The following NCLN variants were observed in gnomAD, a reference collection of about 807,000 sequenced individuals.
NCLN encodes the protein nicalin.
In NCLN, 34 loss-of-function variants were observed where a neutral mutation model predicts 69.5. The ratio of observed to expected loss-of-function variants is 0.49; its 90% confidence interval spans 0.37 to 0.65. The LOEUF (loss-of-function observed/expected upper bound fraction) is 0.65. Ranked by LOEUF, NCLN falls within the 30% of genes least tolerant of loss-of-function variation. NCLN has a pLI of 0.00. For synonymous variants in NCLN, 393 were observed against 358.3 expected, an observed-to-expected ratio of 1.10 and a Z score of -1.09; for missense variants, 710 against 804.8, an observed-to-expected ratio of 0.88 and a Z score of 1.42.
intron 3 of NCLN, among the ~76,000 whole-genome samples, chr19:3,194,693 C>T (rs1915912322): frequency 6.6e-6 from 1 of 151,340 alleles, no homozygotes; most frequent in South Asian, 2.1e-4. Flanking sequence ...GAGTATAGTT[C>T]TGCAGATACC....
rs888950074 is a variant in NCLN at position 3,203,776 on chromosome 19, C to T, written c.821C>T (p.Ala274Val). ...CCCAGCTACAACCTCCTGTTCTTTG[C>T]GTCTGGAGGAGGCAAGTTTAACTAC... ...THAAYNLLFF[A>V]SGGGKFNYQG... Residue 274 changes from alanine to valine, a missense_variant, in exon 7 of 15, where the codon GCG (alanine) becomes GTG (valine). Ala to Val is a moderately conservative substitution (Grantham distance 64). Transcript: ENST00000246117. The T allele has an allele frequency of 2.2e-5, 36 of 1,612,832 alleles. No homozygotes were observed. Among genetic ancestry groups the T allele is most frequent in the Middle Eastern group, 1.6e-4 (1 of 6,078 alleles).
chr19:3,194,383 CAAA>C (rs919643401), intron 3 of NCLN, among the ~76,000 whole-genome samples: 1 of 145,650 alleles, frequency 6.9e-6, no homozygotes, highest in Non-Finnish European at 1.5e-5. Flanking sequence ...ATGTCCATCT[CAAA>C]AAAAAAAAGT....
At chr19:3,195,956 G>A (rs537509406) in intron 3 of NCLN, among the ~76,000 whole-genome samples, 4 of 152,308 alleles carry the variant, frequency 2.6e-5, no homozygotes, top group African/African-American at 9.6e-5. Flanking sequence ...GCATGGAGGA[G>A]AAATTCCCCA....
intron 6 of NCLN, among the ~76,000 whole-genome samples, chr19:3,202,132 C>T (rs1055963389): frequency 3.3e-5 from 5 of 152,142 alleles, no homozygotes; most frequent in Non-Finnish European, 4.4e-5. Flanking sequence ...ATTCCACGGG[C>T]CCCCGAGAGA....
At chr19:3,189,386 T>C (rs1472850858) in intron 1 of NCLN, among the ~76,000 whole-genome samples, 1 of 152,240 alleles carries the variant, frequency 6.6e-6, no homozygotes, top group Non-Finnish European at 1.5e-5. Flanking sequence ...TGCCTGTTGT[T>C]GTTAATAAAG....
At chr19:3,192,307 G>A (rs969578399) in intron 1 of NCLN, among the ~76,000 whole-genome samples, 163 bp from the exon 2 acceptor site, 1 of 152,220 alleles carries the variant, frequency 6.6e-6, no homozygotes, top group African/African-American at 2.4e-5. Flanking sequence ...GTTATGTCGG[G>A]GGCAGGCTGG....
chr19:3,196,771 C>T (rs1915970373), intron 4 of NCLN, among the ~76,000 whole-genome samples: 3 of 152,220 alleles, frequency 2.0e-5, no homozygotes, highest in Admixed American at 2.0e-4. Flanking sequence ...CAGGGCAGAT[C>T]CAGAGGGTGA....
rs1388112752 is a variant in NCLN at position 3,208,281 on chromosome 19, C to T, written c.*593C>T. On this transcript the variant is annotated 3_prime_UTR_variant, in exon 15 of 15. Coordinates refer to ENST00000246117, the MANE Select transcript of NCLN (RefSeq NM_020170.4). ...CCCATGTGGTCTCAGTGACCCGTCCCCCTGACAGTGGGCTCGGGGAGCTGC... is the reference window on the plus strand; with the variant it reads ...CCCATGTGGTCTCAGTGACCCGTCCTCCTGACAGTGGGCTCGGGGAGCTGC... 6.6e-6 allele frequency: 1 copy of T among 152,356 alleles called. No homozygotes were observed. Among genetic ancestry groups the T allele is most frequent in the Admixed American group, 6.5e-5 (1 of 15,286 alleles). 9.4% of individuals were successfully genotyped at this position (152,356 alleles called of 1,614,324 possible).
At chr19:3,189,636 T>C (rs490218) in intron 1 of NCLN, among the ~76,000 whole-genome samples, 67,990 of 152,190 alleles carry the variant, frequency 0.45, 15,253 homozygotes, top group East Asian at 0.54. Flanking sequence ...CCACAAGTGG[T>C]CTCAGCCCAT....
intron 6 of NCLN, among the ~76,000 whole-genome samples, chr19:3,202,762 T>C (rs983257885): frequency 2.0e-5 from 3 of 152,156 alleles, no homozygotes; most frequent in Admixed American, 6.5e-5. Flanking sequence ...TTTTTTTTTT[T>C]TTAAGCTGCA....
chr19:3,204,249 G>T (rs1916202096), intron 8 of NCLN, 105 bp downstream of exon 8: 3 of 1,313,202 alleles, frequency 2.3e-6, no homozygotes, highest in East Asian at 2.7e-5. Flanking sequence ...CGCCCCTCAG[G>T]CTCTGAGGGC....
chr19:3,196,131 T>C, intron 3 of NCLN, 52 bp from the exon 4 acceptor site: 2 of 1,394,270 alleles, frequency 1.4e-6, no homozygotes, highest in South Asian at 1.3e-5. Flanking sequence ...GGATGCCCCC[T>C]GGCTGGGGCC....
intron 4 of NCLN, among the ~76,000 whole-genome samples, chr19:3,197,491 G>A (rs891777423): frequency 6.6e-6 from 1 of 152,226 alleles, no homozygotes; most frequent in Non-Finnish European, 1.5e-5. Flanking sequence ...ACCCAGGCTG[G>A]AGTGCAGTGG....
intron 4 of NCLN, among the ~76,000 whole-genome samples, chr19:3,197,575 G>C (rs927719735): frequency 6.6e-6 from 1 of 152,026 alleles, no homozygotes; most frequent in Non-Finnish European, 1.5e-5. Flanking sequence ...CCGAGTAGCT[G>C]GGATTACTGT....
intron 1 of NCLN, among the ~76,000 whole-genome samples, chr19:3,188,014 C>T (rs1915714274): frequency 6.6e-6 from 1 of 152,146 alleles, no homozygotes; most frequent in South Asian, 2.1e-4. Flanking sequence ...GCAGGATTTT[C>T]AGCGCTGCTT....
At chr19:3,186,995 C>T (rs1051729493) in intron 1 of NCLN, among the ~76,000 whole-genome samples, 1 of 152,158 alleles carries the variant, frequency 6.6e-6, no homozygotes, top group African/African-American at 2.4e-5. Context: ...CCCTGGTCTC[C>T]TCCCACGTCC....
rs1401734073 is a variant in NCLN, at chr19:3,186,181, A to G, written c.151A>G (p.Met51Val). 2 of 1,586,166 alleles carry G rather than the reference A, an allele frequency of 1.3e-6. No homozygotes were observed. Among genetic ancestry groups the G allele is most frequent in the Non-Finnish European group, 1.7e-6 (2 of 1,169,678 alleles). The stretch of plus-strand genomic sequence containing the variant: ...CGCGCACGAGTTCACCGTGTACCGC[A>G]TGCAGCAGTACGACCTGCAGGGCCA... Reference protein sequence around the residue: ...DAAHEFTVYRMQQYDLQGQPY... With the variant: ...DAAHEFTVYRVQQYDLQGQPY... The change falls in exon 1 of 15, where the codon ATG becomes GTG. Residue 51 changes from methionine (M) to valine (V), a missense_variant. Coordinates refer to ENST00000246117, the MANE Select transcript of NCLN (RefSeq NM_020170.4).
In NCLN at chr19:3,193,347, G is replaced by C. The variant is rs747738192; in HGVS notation, c.439G>C (p.Val147Leu). ...GACCGCCGTCCCCGTGTACTTTGCC[G>C]TGGAGGACGAGGCCCTGCTGTCTAT... The part of the protein sequence containing the change: ...METAVPVYFA[V>L]EDEALLSIYK... Residue 147 changes from valine to leucine, a missense_variant, in exon 3 of 15, where the codon GTG becomes CTG. Transcript: ENST00000246117. 1 of 1,612,932 alleles carries C rather than the reference G, an allele frequency of 6.2e-7. No individual in the cohort carries two copies. Among genetic ancestry groups the C allele is most frequent in the Non-Finnish European group, 8.5e-7 (1 of 1,179,960 alleles).
At chr19:3,190,665 G>C (rs928319563) in intron 1 of NCLN, among the ~76,000 whole-genome samples, 1 of 152,176 alleles carries the variant, frequency 6.6e-6, no homozygotes, top group African/African-American at 2.4e-5. Context: ...GGACGCTGGA[G>C]TCGGTCCTGG....
Sources: allele counts gnomAD v4.1 joint callset (sites outside exome capture counted in the v4.1 genomes callset), GRCh38; gene constraint gnomAD v4.1.1; transcripts MANE v1.5; gene names NCBI Gene and HGNC (gene_info 2026-07-23, HGNC 2026-07-21).